Variants in BRIP1 observed in about 807,000 individuals in gnomAD.
The protein encoded by BRIP1 is BRCA1 interacting DNA helicase 1.
Under a neutral mutation model 119.7 loss-of-function variants are expected in BRIP1, and 88 were observed. That is an observed-to-expected ratio of 0.74 (90% CI 0.62 to 0.88). The LOEUF (loss-of-function observed/expected upper bound fraction) is 0.88, where lower values mean the gene tolerates loss of function less well. BRIP1 is among the 40% of genes least tolerant of loss of function. The pLI, the probability that BRIP1 is intolerant of heterozygous loss-of-function variation, is 0.00. For synonymous variants in BRIP1, 443 were observed against 496.5 expected (o/e 0.89, Z 1.43); for missense variants, 1,259 against 1,455.4 (o/e 0.87, Z 2.20).
chr17:61,854,195 G>C (rs1315451514), intron 4 of BRIP1, among the ~76,000 whole-genome samples: 1 of 152,060 alleles, frequency 6.6e-6, no homozygotes, highest in East Asian at 1.9e-4. Flanking sequence ...CTTGGTTCCA[G>C]GAGGCAGGGG....
chr17:61,776,105 C>A lies in BRIP1; in HGVS notation c.2097+296G>T, dbSNP rs1371884768. ...CCATGTTCTCCAGGCTGGTCTCGAA[C>A]TCCTGGGCTCAAGTGATCCTCCCAG... On this transcript the variant is annotated intron_variant, in intron 14 of 19. Transcript: ENST00000259008. The surrounding 1 kb of genome is among the most constrained non-coding windows in gnomAD (Gnocchi z 5.0). 46 of 372,086 alleles carry A rather than the reference C, an allele frequency of 1.2e-4. No homozygotes were observed. The highest frequency in any genetic ancestry group is 1.4e-4 in the Non-Finnish European group (28 of 197,180). 23.0% of individuals were successfully genotyped at this position (372,086 alleles called of 1,614,324 possible).
In BRIP1 at chr17:61,776,410, T is replaced by A. The variant is rs768436074; in HGVS notation, c.2088A>T (p.Pro696=). Residue 696 remains proline, a synonymous_variant, in exon 14 of 20, where the codon CCA becomes CCT. Coordinates refer to ENST00000259008, the MANE Select transcript of BRIP1 (RefSeq NM_032043.3). The surrounding 1 kb of genome is among the most constrained non-coding windows in gnomAD (Gnocchi z 5.0). ...ATAAATATTCCCTTACCTTGTAAGATGGCAAGAAACACAAAATTCCTTGGC... is the reference window on the plus strand; with the variant it reads ...ATAAATATTCCCTTACCTTGTAAGAAGGCAAGAAACACAAAATTCCTTGGC... ...TVSQGILCFL[P]SYKLLEKLKE... The A allele has an allele frequency of 6.2e-7, 1 of 1,614,138 alleles. No homozygotes were observed. Among genetic ancestry groups the A allele is most frequent in the South Asian group, 1.1e-5 (1 of 91,082 alleles).
rs1036492386 is a variant in BRIP1, at chr17:61,814,578, T to C, written c.628-5821A>G. ...TAGATTCCATTTCCTATCCACCAGA[T>C]TGGGTACTGGAGAGGATATGAAGAA... On this transcript the variant is annotated intron_variant, in intron 6 of 19. Coordinates refer to ENST00000259008, the MANE Select transcript of BRIP1 (RefSeq NM_032043.3). The surrounding 1 kb of genome is among the most constrained non-coding windows in gnomAD (Gnocchi z 4.9). Among the ~76,000 whole-genome samples, 2 of 152,084 alleles carry C rather than the reference T, an allele frequency of 1.3e-5. No homozygotes were observed. Among genetic ancestry groups the C allele is most frequent in the African/African-American group, 4.8e-5 (2 of 41,446 alleles).
rs997221430 is a variant in BRIP1, at chr17:61,735,288, A to G, written c.2379+7725T>C. ...TAGTCACTCTTAATTAGGTTATATT[A>G]TATAGCAAAAATGATGGGAAGTTAT... On this transcript the variant is annotated intron_variant, in intron 16 of 19. Transcript: ENST00000259008. This position sits in a 1 kb window ranked among gnomAD's most constrained non-coding sequence, Gnocchi z 4.4. Among the ~76,000 whole-genome samples the G allele has an allele frequency of 8.5e-5, 13 of 152,186 alleles. No homozygotes were observed. Among genetic ancestry groups the G allele is most frequent in the Non-Finnish European group, 1.8e-4 (12 of 68,018 alleles).
intron 10 of BRIP1, among the ~76,000 whole-genome samples, chr17:61,792,569 G>C (rs181379451): frequency 1.8e-4 from 27 of 152,272 alleles, no homozygotes; most frequent in African/African-American, 5.5e-4. Context: ...AGTCTGAAAA[G>C]ACTACATACT....
In BRIP1 at chr17:61,814,782, G is replaced by A. The variant is rs2078212186; in HGVS notation, c.628-6025C>T. Reference sequence around the variant, plus strand: ...CAAGAGGAATATTAATTGCAGCATTGTTTTAATAGTGAGAAAAACAAGCTA... The same window carrying A: ...CAAGAGGAATATTAATTGCAGCATTATTTTAATAGTGAGAAAAACAAGCTA... On this transcript the variant is annotated intron_variant, in intron 6 of 19. Coordinates refer to ENST00000259008, the MANE Select transcript of BRIP1 (RefSeq NM_032043.3). This position sits in a 1 kb window ranked among gnomAD's most constrained non-coding sequence, Gnocchi z 4.9. Among the ~76,000 whole-genome samples, 1 of 151,960 alleles carries A rather than the reference G, an allele frequency of 6.6e-6. No individual in the cohort carries two copies. The highest frequency in any genetic ancestry group is 2.4e-5 in the African/African-American group (1 of 41,394).
In BRIP1 at chr17:61,751,242, A is replaced by G. The variant is rs1465262491; in HGVS notation, c.2098-6651T>C. ...GTATTTTTGTACACAAAGTACAAAT[A>G]TTATATGATTTCACTTATATGAGGT... is the stretch of plus-strand genomic sequence containing the variant. On this transcript the variant is annotated intron_variant, in intron 14 of 19. Coordinates refer to ENST00000259008, the MANE Select transcript of BRIP1 (RefSeq NM_032043.3). The surrounding 1 kb of genome is among the most constrained non-coding windows in gnomAD (Gnocchi z 6.7). Among the ~76,000 whole-genome samples, 2 of 152,238 alleles carry G rather than the reference A, an allele frequency of 1.3e-5. No homozygotes were observed. Among genetic ancestry groups the G allele is most frequent in the East Asian group, 1.9e-4 (1 of 5,194 alleles).
chr17:61,792,166 A>G (rs2077828100), intron 10 of BRIP1, among the ~76,000 whole-genome samples: 1 of 152,120 alleles, frequency 6.6e-6, no homozygotes, highest in Non-Finnish European at 1.5e-5. Context: ...CTACAGCCTC[A>G]AATTCCTGGG....
rs1235555838 is a variant in BRIP1 at position 61,724,462 on chromosome 17, T to G, written c.2380-8399A>C. Among the ~76,000 whole-genome samples, 1 of 152,148 alleles carries G rather than the reference T, an allele frequency of 6.6e-6. No individual in the cohort carries two copies. Among genetic ancestry groups the G allele is most frequent in the African/African-American group, 2.4e-5 (1 of 41,450 alleles). ...AGGTCACAATTATTAACATTAGACT[T>G]TTTCAACTTTCAGTCAAACTCTTTG... On this transcript the variant is annotated intron_variant, in intron 16 of 19. Transcript: ENST00000259008. The surrounding 1 kb of genome is among the most constrained non-coding windows in gnomAD (Gnocchi z 5.1).
Position 61,684,259 on chromosome 17 carries a change from C to A in BRIP1, c.2906-119G>T, listed in dbSNP as rs1330420295. The A allele has an allele frequency of 8.7e-7, 1 of 1,154,464 alleles. No homozygotes were observed. Among genetic ancestry groups the A allele is most frequent in the Non-Finnish European group, 1.2e-6 (1 of 830,536 alleles). The allele number at this position is 1,154,464 out of a possible 1,614,324, so 71.5% of individuals were successfully genotyped here. A position where few individuals can be genotyped will look rare whatever the true frequency, so the allele number is the denominator to read the frequency against. On this transcript the variant is annotated intron_variant, in intron 19 of 19. Coordinates refer to ENST00000259008, the MANE Select transcript of BRIP1 (RefSeq NM_032043.3). The surrounding 1 kb of genome is among the most constrained non-coding windows in gnomAD (Gnocchi z 4.5). ...ACTGTATAGGATACATAACTTAGAG[C>A]CCCCAACGAATACTAGTGGATTTTC... is the stretch of plus-strand genomic sequence containing the variant.
chr17:61,751,181 A>C lies in BRIP1; in HGVS notation c.2098-6590T>G, dbSNP rs781541824. ...GAATGAAATTCTGACAAATGCTTGAATATGGATAAACCCATAGTAAGTGAA... is the reference window on the plus strand; with the variant it reads ...GAATGAAATTCTGACAAATGCTTGACTATGGATAAACCCATAGTAAGTGAA... On this transcript the variant is annotated intron_variant, in intron 14 of 19. Coordinates refer to ENST00000259008, the MANE Select transcript of BRIP1 (RefSeq NM_032043.3). This position sits in a 1 kb window ranked among gnomAD's most constrained non-coding sequence, Gnocchi z 6.7. 5.9e-5 allele frequency among the ~76,000 whole-genome samples: 9 copies of C among 152,240 alleles called. No homozygotes were observed. The highest frequency in any genetic ancestry group is 1.0e-4 in the Non-Finnish European group (7 of 68,038).
At position 61,828,031 on chromosome 17, in the gene BRIP1, T is replaced by C. The variant is rs548470038; in HGVS notation, c.627+19070A>G. ...CAAAAACTTAAATATAGAATTACCA[T>C]ATGGTCCAGAAATTCCACTCTTAGG... is the stretch of plus-strand genomic sequence containing the variant. On this transcript the variant is annotated intron_variant, in intron 6 of 19. Coordinates refer to ENST00000259008, the MANE Select transcript of BRIP1 (RefSeq NM_032043.3). The surrounding 1 kb of genome is among the most constrained non-coding windows in gnomAD (Gnocchi z 4.1). Among the ~76,000 whole-genome samples the C allele has an allele frequency of 6.6e-6, 1 of 152,160 alleles. No homozygotes were observed. The highest frequency in any genetic ancestry group is 1.5e-5 in the Non-Finnish European group (1 of 68,026).
rs1275118320 is a variant in BRIP1, at chr17:61,752,919, C to T, written c.2098-8328G>A. Reference sequence around the variant, plus strand: ...GATTAGCCCAAATATGATTACAGTACCTGCTATGTTTTGAACATTTGTCCT... The same window carrying T: ...GATTAGCCCAAATATGATTACAGTATCTGCTATGTTTTGAACATTTGTCCT... On this transcript the variant is annotated intron_variant, in intron 14 of 19. Coordinates refer to ENST00000259008, the MANE Select transcript of BRIP1 (RefSeq NM_032043.3). This position sits in a 1 kb window ranked among gnomAD's most constrained non-coding sequence, Gnocchi z 6.2. Among the ~76,000 whole-genome samples, 1 of 152,046 alleles carries T rather than the reference C, an allele frequency of 6.6e-6. No individual in the cohort carries two copies. Among genetic ancestry groups the T allele is most frequent in the Non-Finnish European group, 1.5e-5 (1 of 68,004 alleles).
rs4987050 is a variant in BRIP1 at position 61,683,587 on chromosome 17, A to C, written c.3459T>G (p.Asp1153Glu). ...AATTGTTAGCCAATCTATTTCCTCTATCAGTTTCAGCTAGGTCATTTTTTT... is the reference window on the plus strand; with the variant it reads ...AATTGTTAGCCAATCTATTTCCTCTCTCAGTTTCAGCTAGGTCATTTTTTT... ...DEEKNDLAET[D>E]RGNRLANNSD... Residue 1153 changes from aspartate (D) to glutamate (E), a missense_variant, in exon 20 of 20, where the codon GAT (aspartate) becomes GAG (glutamate). Transcript: ENST00000259008. The surrounding 1 kb of genome is among the most constrained non-coding windows in gnomAD (Gnocchi z 4.7). 1 of 1,612,548 alleles carries C rather than the reference A, an allele frequency of 6.2e-7. No individual in the cohort carries two copies. Among genetic ancestry groups the C allele is most frequent in the South Asian group, 1.1e-5 (1 of 91,042 alleles).
chr17:61,781,898 G>A (rs1264771146), intron 11 of BRIP1, among the ~76,000 whole-genome samples: 8 of 147,362 alleles, frequency 5.4e-5, no homozygotes, highest in African/African-American at 2.0e-4. Flanking sequence ...TGTAGCCTGG[G>A]TGACGGAGCA....
chr17:61,784,179 C>G (rs2077665310), intron 11 of BRIP1, 91 bp downstream of exon 11: 1 of 1,131,122 alleles, frequency 8.8e-7, no homozygotes, highest in East Asian at 2.4e-5. Flanking sequence ...CTCCTATTTA[C>G]TCACCCAAAA....
rs1369769032 is a variant in BRIP1, at chr17:61,744,772, T to C, written c.2098-181A>G. Among the ~76,000 whole-genome samples the C allele has an allele frequency of 6.6e-6, 1 of 152,088 alleles. No individual in the cohort carries two copies. The highest frequency in any genetic ancestry group is 2.4e-5 in the African/African-American group (1 of 41,420). On this transcript the variant is annotated intron_variant, in intron 14 of 19. Transcript: ENST00000259008. This position sits in a 1 kb window ranked among gnomAD's most constrained non-coding sequence, Gnocchi z 5.0. ...TTATGGGGTTAAATTTATTAACAGA[T>C]TTAGAGAGATCTGAATGGTGCTGGC...
At chr17:61,719,576 T>G (rs952760277) in intron 16 of BRIP1, among the ~76,000 whole-genome samples, 3 of 151,558 alleles carry the variant, frequency 2.0e-5, no homozygotes, top group Non-Finnish European at 2.9e-5. Context: ...TACAAAAAAA[T>G]TAGCCAGGTG....
rs1481814374 is a variant in BRIP1, at chr17:61,814,133, A to G, written c.628-5376T>C. On this transcript the variant is annotated intron_variant, in intron 6 of 19. Coordinates refer to ENST00000259008, the MANE Select transcript of BRIP1 (RefSeq NM_032043.3). The surrounding 1 kb of genome is among the most constrained non-coding windows in gnomAD (Gnocchi z 4.9). Reference sequence around the variant, plus strand: ...AAAAGAGCCAGACAGTAAACATTTCAAGCTTCAAAGGCTATATGGTCTCTT... The same window carrying G: ...AAAAGAGCCAGACAGTAAACATTTCGAGCTTCAAAGGCTATATGGTCTCTT... Among the ~76,000 whole-genome samples the G allele has an allele frequency of 1.3e-5, 2 of 152,102 alleles. No individual in the cohort carries two copies. The highest frequency in any genetic ancestry group is 2.9e-5 in the Non-Finnish European group (2 of 67,936).
Sources: gnomAD v4.1 joint callset for allele counts (sites outside exome capture counted in the v4.1 genomes callset) on GRCh38, gnomAD v4.1.1 for gene constraint, Gnocchi (gnomAD v3.1) non-coding constraint, MANE v1.5 for transcripts, NCBI Gene and HGNC (gene_info 2026-07-23, HGNC 2026-07-21) for gene names.